The following VTI1A variants were observed in gnomAD, a reference collection of about 807,000 sequenced individuals.
VTI1A encodes vesicle transport through interaction with t-SNAREs homolog 1A.
A neutral mutation model predicts 34.9 loss-of-function variants in VTI1A; 22 were observed. The ratio of observed to expected loss-of-function variants is 0.63; its 90% CI spans 0.45 to 0.90. The LOEUF is 0.90. Ranked by LOEUF, VTI1A falls within the 40% of genes least tolerant of loss-of-function variation. The pLI is 0.00. For synonymous variants in VTI1A, 87 were observed against 97.3 expected, an observed-to-expected ratio of 0.89 and a Z score of 0.62; for missense variants, 268 against 275.6, an observed-to-expected ratio of 0.97 and a Z score of 0.20.
chr10:112,709,589 C>T (rs931783491), intron 7 of VTI1A, among the ~76,000 whole-genome samples: 5 of 151,818 alleles, frequency 3.3e-5, no homozygotes, highest in African/African-American at 4.8e-5. Context: ...AAAAATCCTG[C>T]CCATCTTTCA....
chr10:112,614,275 G>A (rs1028995397), intron 5 of VTI1A, among the ~76,000 whole-genome samples: 2 of 152,316 alleles, frequency 1.3e-5, no homozygotes, highest in Admixed American at 6.5e-5. Flanking sequence ...ATTATCAAAT[G>A]TTGAAGTACT....
At chr10:112,679,206 G>A (rs1358277232) in intron 7 of VTI1A, among the ~76,000 whole-genome samples, 1 of 152,094 alleles carries the variant, frequency 6.6e-6, no homozygotes, top group Non-Finnish European at 1.5e-5. Context: ...GTAAGTGGCT[G>A]GGGATTGTGC....
chr10:112,567,762 C>G (rs540400267), intron 5 of VTI1A, among the ~76,000 whole-genome samples: 1 of 152,252 alleles, frequency 6.6e-6, no homozygotes, highest in South Asian at 2.1e-4. Flanking sequence ...GTGACCTGTT[C>G]AAATTCGAGA....
At chr10:112,508,169 T>C (rs1160589867) in intron 3 of VTI1A, among the ~76,000 whole-genome samples, 1 of 152,232 alleles carries the variant, frequency 6.6e-6, no homozygotes, top group Non-Finnish European at 1.5e-5. Context: ...TAGGAGGCGC[T>C]TCTGCCAGCA....
intron 7 of VTI1A, among the ~76,000 whole-genome samples, chr10:112,779,153 T>C (rs1034776729): frequency 6.6e-6 from 1 of 152,270 alleles, no homozygotes; most frequent in East Asian, 1.9e-4. Flanking sequence ...ATTACCAATA[T>C]TTCATCTTGA....
rs58327300 is a variant in VTI1A at position 112,664,679 on chromosome 10, G to A, written c.428-3539G>A. Among the ~76,000 whole-genome samples the A allele has an allele frequency of 7.6e-3, 1,158 of 152,246 alleles. 16 individuals carry two copies. Among genetic ancestry groups the A allele is most frequent in the African/African-American group, 0.027 (1,112 of 41,542 alleles). On this transcript the variant is annotated intron_variant, in intron 5 of 7. Transcript: ENST00000393077. Reference sequence around the variant, plus strand: ...GGAAATGTTAGCCAAAAACCCTTTTGCACGTGTGTTTCTCTATAAAAAGGG... The same window carrying A: ...GGAAATGTTAGCCAAAAACCCTTTTACACGTGTGTTTCTCTATAAAAAGGG...
At chr10:112,629,789 C>T (rs1457871100) in intron 5 of VTI1A, among the ~76,000 whole-genome samples, 1 of 152,128 alleles carries the variant, frequency 6.6e-6, no homozygotes, top group Non-Finnish European at 1.5e-5. Context: ...TGGATAATTC[C>T]TCAGTCAATT....
intron 5 of VTI1A, among the ~76,000 whole-genome samples, chr10:112,621,659 G>A (rs372482404): frequency 8.5e-5 from 13 of 152,254 alleles, no homozygotes; most frequent in South Asian, 4.2e-4. Context: ...GAGCACCAGC[G>A]TGTCCCATCC....
chr10:112,482,088 A>G (rs1848477083), intron 3 of VTI1A, among the ~76,000 whole-genome samples: 1 of 152,248 alleles, frequency 6.6e-6, no homozygotes, highest in Non-Finnish European at 1.5e-5. Context: ...ATTTCTGAAT[A>G]GTAGTCAGGA....
At chr10:112,839,813 C>T in the VTI1A span, among the ~76,000 whole-genome samples, 25 of 152,310 alleles carry the variant, frequency 1.6e-4, no homozygotes, top group Non-Finnish European at 3.7e-4. Context: ...CGCCTACCAT[C>T]CTGCTGTCAA....
intron 7 of VTI1A, among the ~76,000 whole-genome samples, chr10:112,677,292 GAATT>G (rs1214526364): frequency 6.6e-6 from 1 of 152,108 alleles, no homozygotes; most frequent in Non-Finnish European, 1.5e-5. Flanking sequence ...GGTCTCAGGT[GAATT>G]ACCTCATTCT....
At chr10:112,541,565 G>A (rs74158735) in intron 5 of VTI1A, among the ~76,000 whole-genome samples, 6,147 of 152,210 alleles carry the variant, frequency 0.04, 424 homozygotes, top group African/African-American at 0.14. Flanking sequence ...AATGTAATTG[G>A]CAAATACTAT....
At chr10:112,544,797 G>A (rs1335995850) in intron 5 of VTI1A, among the ~76,000 whole-genome samples, 1 of 152,182 alleles carries the variant, frequency 6.6e-6, no homozygotes, top group Non-Finnish European at 1.5e-5. Flanking sequence ...TCTGGAATGA[G>A]AATGTGCTCA....
At chr10:112,596,254 T>C (rs1343606007) in intron 5 of VTI1A, among the ~76,000 whole-genome samples, 1 of 152,114 alleles carries the variant, frequency 6.6e-6, no homozygotes. Flanking sequence ...ATGGCACATG[T>C]ATACATATGT....
intron 7 of VTI1A, among the ~76,000 whole-genome samples, chr10:112,777,813 G>C (rs1851994836): frequency 6.6e-6 from 1 of 152,166 alleles, no homozygotes; most frequent in Admixed American, 6.5e-5. Flanking sequence ...CAAAGTATTG[G>C]TGAAAGTGGC....
chr10:112,572,166 T>A (rs1423944245), intron 5 of VTI1A, among the ~76,000 whole-genome samples: 1 of 152,212 alleles, frequency 6.6e-6, no homozygotes, highest in African/African-American at 2.4e-5. Context: ...AGTGGTTGAT[T>A]GTAGAATTCT....
At chr10:112,834,800 G>A in the VTI1A span, among the ~76,000 whole-genome samples, 3 of 152,180 alleles carry the variant, frequency 2.0e-5, no homozygotes, top group Non-Finnish European at 2.9e-5. Context: ...TCCTGAAACC[G>A]GAAGGGGCCT....
chr10:112,757,465 C>T (rs1354642081), intron 7 of VTI1A, among the ~76,000 whole-genome samples: 1 of 142,930 alleles, frequency 7.0e-6, no homozygotes, highest in Non-Finnish European at 1.5e-5. Flanking sequence ...CTCCCAGCTT[C>T]AAGCAATTCT....
intron 5 of VTI1A, among the ~76,000 whole-genome samples, chr10:112,556,247 G>A (rs1851540165): frequency 6.6e-6 from 1 of 151,968 alleles, no homozygotes; most frequent in South Asian, 2.1e-4. Flanking sequence ...AAGTGTTTAA[G>A]TATTGGTAGA....
Sources: allele counts gnomAD v4.1 joint callset (sites outside exome capture counted in the v4.1 genomes callset), GRCh38; gene constraint gnomAD v4.1.1; transcripts MANE v1.5; gene names NCBI Gene and HGNC (gene_info 2026-07-23, HGNC 2026-07-21).